The following NAV2 variants were observed in gnomAD, a reference collection of about 807,000 sequenced individuals.
The protein encoded by NAV2 is neuron navigator 2, also known as helicase, APC down-regulated 1.
Under a neutral mutation model 223.2 loss-of-function variants are expected in NAV2, and 54 were observed. That is an observed-to-expected ratio of 0.24 (90% confidence interval 0.19 to 0.30). The LOEUF (loss-of-function observed/expected upper bound fraction) is 0.30. Ranked by LOEUF, NAV2 falls within the 10% of genes least tolerant of loss-of-function variation. The pLI, the probability that NAV2 is intolerant of heterozygous loss-of-function variation, is 1.00. For missense variants in NAV2, 2,806 were observed against 3,147.5 expected (o/e 0.89, Z 2.60); for synonymous variants, 1,279 against 1,239.3 (o/e 1.03, Z -0.67).
At chr11:20,077,360 CG>C (rs1592017474) in intron 22 of NAV2, among the ~76,000 whole-genome samples, 191 bp from the exon 23 acceptor site, 1 of 151,790 alleles carries the variant, frequency 6.6e-6, no homozygotes, top group Admixed American at 6.6e-5. Context: ...GGAAGGAGCA[CG>C]GGTTGTTTGA....
intron 1 of NAV2, among the ~76,000 whole-genome samples, chr11:19,626,981 A>G (rs576176166): frequency 5.9e-5 from 9 of 152,338 alleles, no homozygotes; most frequent in African/African-American, 2.2e-4. Flanking sequence ...TGTACCCAAT[A>G]TGACATGAAA....
At chr11:19,798,492 G>A (rs553076127) in intron 1 of NAV2, among the ~76,000 whole-genome samples, 1 of 152,228 alleles carries the variant, frequency 6.6e-6, no homozygotes, top group East Asian at 1.9e-4. Context: ...GTGGGGAGGG[G>A]ATGGTTTGTG....
At chr11:19,909,375 C>A (rs1454202716) in intron 6 of NAV2, among the ~76,000 whole-genome samples, 1 of 152,172 alleles carries the variant, frequency 6.6e-6, no homozygotes, top group Non-Finnish European at 1.5e-5. Context: ...CCCACTCTGG[C>A]CATTCCCTCT....
chr11:19,897,652 C>T (rs931858210), intron 6 of NAV2, among the ~76,000 whole-genome samples: 4 of 152,030 alleles, frequency 2.6e-5, no homozygotes, highest in African/African-American at 9.7e-5. Context: ...ACCAAGTACA[C>T]AGTTCATGTA....
At chr11:20,106,493 G>A (rs1420168979) in intron 35 of NAV2, among the ~76,000 whole-genome samples, 1 of 142,818 alleles carries the variant, frequency 7.0e-6, no homozygotes, top group Non-Finnish European at 1.5e-5. Context: ...CCAGGAGGCG[G>A]AGGCTGCTGT....
chr11:20,049,785 T>C, intron 15 of NAV2, 51 bp from the exon 16 acceptor site: 1 of 1,564,280 alleles, frequency 6.4e-7, no homozygotes, highest in Non-Finnish European at 8.8e-7. Flanking sequence ...ACCTCTCCTT[T>C]CTTCCAAGCT....
At chr11:19,848,685 CCA>C (rs1359837088) in intron 3 of NAV2, among the ~76,000 whole-genome samples, 2 of 152,182 alleles carry the variant, frequency 1.3e-5, no homozygotes, top group Non-Finnish European at 2.9e-5. Flanking sequence ...ACGTTGCTGG[CCA>C]CAGAGTTGCT....
intron 1 of NAV2, among the ~76,000 whole-genome samples, chr11:19,537,875 C>T (rs1435704312): frequency 6.6e-6 from 1 of 152,180 alleles, no homozygotes; most frequent in Non-Finnish European, 1.5e-5. Context: ...ATAGCACCTG[C>T]CTCATAGGAT....
At chr11:19,415,893 AC>A (rs1256306549) in intron 1 of NAV2, among the ~76,000 whole-genome samples, 5 of 152,214 alleles carry the variant, frequency 3.3e-5, no homozygotes, top group African/African-American at 7.2e-5. Flanking sequence ...AAAATTCAAC[AC>A]CCCTTCATGC....
At chr11:20,108,518 C>T (rs1241723036) in intron 36 of NAV2, among the ~76,000 whole-genome samples, 2 of 152,092 alleles carry the variant, frequency 1.3e-5, no homozygotes, top group African/African-American at 4.8e-5. Flanking sequence ...TCTCAGCTCA[C>T]TGCAACCTCC....
At chr11:19,603,854 G>T (rs1345167653) in intron 1 of NAV2, among the ~76,000 whole-genome samples, 1 of 152,000 alleles carries the variant, frequency 6.6e-6, no homozygotes, top group Admixed American at 6.6e-5. Context: ...GGTTCAAGAC[G>T]GCCTTTCTGA....
At chr11:20,017,006 C>CA (rs1252918752) in intron 11 of NAV2, among the ~76,000 whole-genome samples, 2 of 115,240 alleles carry the variant, frequency 1.7e-5, no homozygotes, top group Non-Finnish European at 3.5e-5. Flanking sequence ...ACTCTGTCTC[C>CA]AAAAAATAAA....
chr11:19,350,712 C>G, upstream of NAV2: 1 of 537,106 alleles, frequency 1.9e-6, no homozygotes, highest in East Asian at 3.3e-5. Context: ...AAGTAAAACC[C>G]CAAGACTTAG....
At chr11:19,472,346 G>T (rs1205190531) in intron 1 of NAV2, among the ~76,000 whole-genome samples, 1 of 152,088 alleles carries the variant, frequency 6.6e-6, no homozygotes, top group Non-Finnish European at 1.5e-5. Context: ...TGTGCCTCAG[G>T]TTCCTCATCT....
intron 18 of NAV2, among the ~76,000 whole-genome samples, chr11:20,055,548 G>A (rs539454325): frequency 6.6e-6 from 1 of 152,312 alleles, no homozygotes; most frequent in Non-Finnish European, 1.5e-5. Context: ...GAAAGCTGAG[G>A]CCCAGAGCCT....
At chr11:19,668,614 C>G (rs2048494466) in intron 1 of NAV2, among the ~76,000 whole-genome samples, 1 of 148,266 alleles carries the variant, frequency 6.7e-6, no homozygotes, top group Non-Finnish European at 1.5e-5. Context: ...CAGTGATGAT[C>G]TTGCATCATC....
chr11:19,632,439 C>G (rs954199912), intron 1 of NAV2, among the ~76,000 whole-genome samples: 1 of 151,828 alleles, frequency 6.6e-6, no homozygotes, highest in African/African-American at 2.4e-5. Flanking sequence ...AAAGTGTTGT[C>G]TAGGTGGGAG....
intron 1 of NAV2, among the ~76,000 whole-genome samples, chr11:19,500,165 C>T (rs1306246183): frequency 6.6e-6 from 1 of 152,164 alleles, no homozygotes. Flanking sequence ...CTTACAAAGA[C>T]CTTGGCACAT....
At chr11:19,743,302 G>C (rs2053017107) in intron 1 of NAV2, among the ~76,000 whole-genome samples, 1 of 152,212 alleles carries the variant, frequency 6.6e-6, no homozygotes, top group African/African-American at 2.4e-5. Flanking sequence ...TCTGAACTTG[G>C]GAGTCAGGGG....
Sources: gnomAD v4.1 joint callset for allele counts (sites outside exome capture counted in the v4.1 genomes callset) on GRCh38, gnomAD v4.1.1 for gene constraint, MANE v1.5 for transcripts, NCBI Gene and HGNC (gene_info 2026-07-23, HGNC 2026-07-21) for gene names.